Variants in DHRSX observed in about 807,000 individuals in gnomAD.
DHRSX encodes the protein polyprenol dehydrogenase.
DHRSX carries 31 observed loss-of-function variants against 34.0 expected under a neutral mutation model. That is an observed-to-expected ratio of 0.91 (90% CI 0.69 to 1.23). The LOEUF (loss-of-function observed/expected upper bound fraction) is 1.23. DHRSX is among the 50% of genes most tolerant of loss of function. The pLI is 0.00. For missense variants in DHRSX, 414 were observed against 428.1 expected (o/e 0.97, Z 0.29); for synonymous variants, 201 against 183.8 (o/e 1.09, Z -0.76).
At chrX:2,459,326 G>C (rs998786536) in intron 1 of DHRSX, among the ~76,000 whole-genome samples, 2 of 151,628 alleles carry the variant, frequency 1.3e-5, no homozygotes, top group African/African-American at 4.8e-5. Flanking sequence ...TAGAGTTAGG[G>C]TTATCTGAAT....
intron 3 of DHRSX, among the ~76,000 whole-genome samples, chrX:2,380,065 G>A (rs1180765513): frequency 2.6e-5 from 4 of 152,010 alleles, no homozygotes; most frequent in Non-Finnish European, 4.4e-5. Context: ...GGGAGGCCGA[G>A]GCGGGCAAAC....
intron 3 of DHRSX, among the ~76,000 whole-genome samples, chrX:2,331,033 A>G (rs1263522174): frequency 6.6e-6 from 1 of 152,202 alleles, no homozygotes; most frequent in Non-Finnish European, 1.5e-5. Context: ...GGAGATGTCC[A>G]GTAATGGGGT....
intron 3 of DHRSX, among the ~76,000 whole-genome samples, chrX:2,295,778 T>G (rs2041924505): frequency 6.6e-6 from 1 of 152,138 alleles, no homozygotes; most frequent in Admixed American, 6.5e-5. Flanking sequence ...AGTAGAATAA[T>G]AAAAGAGGGC....
At chrX:2,267,011 G>A (rs2041484419) in intron 4 of DHRSX, 64 bp from the exon 5 acceptor site, 1 of 1,549,394 alleles carries the variant, frequency 6.5e-7, no homozygotes, top group Admixed American at 1.7e-5. Context: ...TCTCACAGAT[G>A]GATTCCCCAG....
Position 2,500,917 on chromosome X carries a change from T to G in DHRSX, c.9A>C (p.Pro3=). The change falls in exon 1 of 7, where the codon CCA becomes CCC. Residue 3 remains proline, a synonymous_variant. Transcript: ENST00000334651. ...GCAGGGCCGCCCGCGCCGCAGACAA[T>G]GGCGACATGGCTGCCCCGGCCGCGC... MS[P]LSAARAALRV... 9.2e-7 allele frequency: 1 copy of G among 1,091,292 alleles called. No individual in the cohort carries two copies. The highest frequency in any genetic ancestry group is 1.1e-6 in the Non-Finnish European group (1 of 898,712). 67.6% of individuals were successfully genotyped at this position (1,091,292 alleles called of 1,614,324 possible). A position where few individuals can be genotyped will look rare whatever the true frequency, so the allele number is the denominator to read the frequency against.
intron 3 of DHRSX, among the ~76,000 whole-genome samples, chrX:2,362,070 A>T (rs2042940459): frequency 6.6e-6 from 1 of 152,194 alleles, no homozygotes; most frequent in Non-Finnish European, 1.5e-5. Flanking sequence ...TTCAAAGAAA[A>T]GGAAGGCTGG....
intron 6 of DHRSX, among the ~76,000 whole-genome samples, 180 bp from the exon 7 acceptor site, chrX:2,221,409 T>C (rs1024626789): frequency 6.6e-6 from 1 of 152,130 alleles, no homozygotes; most frequent in African/African-American, 2.4e-5. Context: ...TGCTGTTGGG[T>C]TTCTTTACAA....
At chrX:2,494,540 C>T (rs1016751283) in intron 1 of DHRSX, among the ~76,000 whole-genome samples, 4 of 151,562 alleles carry the variant, frequency 2.6e-5, no homozygotes, top group African/African-American at 7.3e-5. Flanking sequence ...GAAAGAAGTC[C>T]GGGTACCTGG....
intron 5 of DHRSX, among the ~76,000 whole-genome samples, chrX:2,266,008 C>T (rs1356897258): frequency 1.5e-5 from 2 of 132,420 alleles, no homozygotes; most frequent in African/African-American, 3.0e-5. Flanking sequence ...GCTCGGCAGA[C>T]GCAGGAAGCA....
At chrX:2,264,970 G>T (rs975457977) in intron 5 of DHRSX, among the ~76,000 whole-genome samples, 1 of 131,860 alleles carries the variant, frequency 7.6e-6, no homozygotes, top group Non-Finnish European at 1.6e-5. Flanking sequence ...CAGAGCACCT[G>T]TGCCCAGCAG....
chrX:2,256,637 A>G (rs1413691864), intron 5 of DHRSX, among the ~76,000 whole-genome samples: 1 of 152,178 alleles, frequency 6.6e-6, no homozygotes, highest in Non-Finnish European at 1.5e-5. Flanking sequence ...TCTCATGTGT[A>G]AAAACTCTTG....
chrX:2,411,707 A>G (rs2043631597), intron 2 of DHRSX, among the ~76,000 whole-genome samples: 1 of 151,920 alleles, frequency 6.6e-6, no homozygotes, highest in Non-Finnish European at 1.5e-5. Context: ...AGCCTGGGCA[A>G]CACAGCGAGA....
At chrX:2,477,612 G>A (rs1423084621) in intron 1 of DHRSX, among the ~76,000 whole-genome samples, 1 of 152,148 alleles carries the variant, frequency 6.6e-6, no homozygotes, top group South Asian at 2.1e-4. Flanking sequence ...TTGGGAGGCC[G>A]AGGCGGATGG....
intron 3 of DHRSX, among the ~76,000 whole-genome samples, chrX:2,395,795 T>C (rs1036899816): frequency 4.6e-5 from 7 of 152,138 alleles, no homozygotes; most frequent in Non-Finnish European, 4.4e-5. Context: ...TCCCATGACC[T>C]GGGGTCAGGA....
chrX:2,313,945 G>A (rs987918377), intron 3 of DHRSX, among the ~76,000 whole-genome samples: 8 of 151,946 alleles, frequency 5.3e-5, no homozygotes, highest in African/African-American at 1.9e-4. Flanking sequence ...ATATTTTCTG[G>A]TTGACAACTG....
intron 3 of DHRSX, among the ~76,000 whole-genome samples, chrX:2,352,909 T>C (rs2042805317): frequency 6.6e-6 from 1 of 151,974 alleles, no homozygotes; most frequent in African/African-American, 2.4e-5. Flanking sequence ...CAAGAGTCCA[T>C]CTGAACCACC....
intron 3 of DHRSX, among the ~76,000 whole-genome samples, chrX:2,321,447 G>A (rs1445576164): frequency 2.0e-5 from 3 of 152,074 alleles, no homozygotes. Flanking sequence ...ATGCCAAAGG[G>A]GATGGTATTT....
intron 3 of DHRSX, among the ~76,000 whole-genome samples, chrX:2,311,004 T>C (rs1490024552): frequency 6.8e-6 from 1 of 147,870 alleles, no homozygotes; most frequent in Non-Finnish European, 1.5e-5. Flanking sequence ...GAGGTTGTAG[T>C]GAGCCGAGAT....
At chrX:2,465,685 T>C (rs770661733) in intron 1 of DHRSX, among the ~76,000 whole-genome samples, 4 of 151,248 alleles carry the variant, frequency 2.6e-5, no homozygotes, top group African/African-American at 9.7e-5. Context: ...GGCAGGCACT[T>C]ACAATCCCAG....
Sources: allele counts gnomAD v4.1 joint callset (sites outside exome capture counted in the v4.1 genomes callset), GRCh38; gene constraint gnomAD v4.1.1; transcripts MANE v1.5; gene names NCBI Gene and HGNC (gene_info 2026-07-23, HGNC 2026-07-21).